PSD2: variants seen among roughly 807,000 people sequenced by gnomAD.
The protein encoded by PSD2 is pleckstrin and Sec7 domain containing 2, also known as PH and SEC7 domain-containing protein 2.
A neutral mutation model predicts 69.8 loss-of-function variants in PSD2; 38 were observed. The ratio of observed to expected loss-of-function variants is 0.54; its 90% CI spans 0.42 to 0.71. The LOEUF (loss-of-function observed/expected upper bound fraction) is 0.71, where lower values mean the gene tolerates loss of function less well. Among genes scored for constraint, PSD2 ranks in the 30% least tolerant of loss-of-function variants. The pLI, the probability that PSD2 is intolerant of heterozygous loss-of-function variation, is 0.00. For synonymous variants in PSD2, 412 were observed against 423.0 expected, an observed-to-expected ratio of 0.97 and a Z score of 0.32; for missense variants, 943 against 1,014.5, an observed-to-expected ratio of 0.93 and a Z score of 0.96.
the PSD2 span, among the ~76,000 whole-genome samples, chr5:139,789,582 A>G: frequency 6.6e-6 from 1 of 152,186 alleles, no homozygotes; most frequent in African/African-American, 2.4e-5. Flanking sequence ...AGAAAAACAA[A>G]AAACAAAACA....
chr5:139,772,711 G>A, the PSD2 span: 3 of 152,244 alleles, frequency 2.0e-5, no homozygotes, highest in Non-Finnish European at 4.4e-5. Flanking sequence ...CTCTGGGATG[G>A]TATGCCTGAC....
At chr5:139,788,441 G>A in the PSD2 span, among the ~76,000 whole-genome samples, 1 of 152,230 alleles carries the variant, frequency 6.6e-6, no homozygotes, top group African/African-American at 2.4e-5. Context: ...GCGGGTGATG[G>A]CACGGACTGG....
the PSD2 span, among the ~76,000 whole-genome samples, chr5:139,777,520 G>T: frequency 6.6e-6 from 1 of 152,312 alleles, no homozygotes; most frequent in African/African-American, 2.4e-5. Flanking sequence ...GAAGACTGAG[G>T]ATTGGGGCAA....
intron 7 of PSD2, among the ~76,000 whole-genome samples, chr5:139,831,255 T>C (rs950720008): frequency 6.6e-6 from 1 of 152,224 alleles, no homozygotes; most frequent in African/African-American, 2.4e-5. Context: ...TGGAGTTCTT[T>C]TGTTAGTGTT....
intron 1 of PSD2, among the ~76,000 whole-genome samples, chr5:139,806,253 C>A (rs1759803469): frequency 6.6e-6 from 1 of 152,232 alleles, no homozygotes; most frequent in Non-Finnish European, 1.5e-5. Context: ...CCAGCTGCAC[C>A]CGCTCCCCTG....
At chr5:139,811,484 A>T (rs1759959821) in intron 2 of PSD2, among the ~76,000 whole-genome samples, 1 of 152,158 alleles carries the variant, frequency 6.6e-6, no homozygotes, top group African/African-American at 2.4e-5. Context: ...GCTTCTTTGC[A>T]CATCATGGGC....
At chr5:139,805,205 G>T (rs879318187) in intron 1 of PSD2, among the ~76,000 whole-genome samples, 1 of 152,188 alleles carries the variant, frequency 6.6e-6, no homozygotes, top group African/African-American at 2.4e-5. Context: ...TCCCTGGTGG[G>T]CCCCACCTCC....
chr5:139,788,170 C>T, the PSD2 span, among the ~76,000 whole-genome samples: 101 of 47,944 alleles, frequency 2.1e-3, 3 homozygotes, highest in East Asian at 0.047. Flanking sequence ...GAGAGCCCGC[C>T]CCCCCCGCGC....
intron 1 of PSD2, among the ~76,000 whole-genome samples, chr5:139,804,723 G>A (rs1478542893): frequency 2.0e-5 from 3 of 152,188 alleles, no homozygotes; most frequent in Non-Finnish European, 4.4e-5. Context: ...TGCATACCCA[G>A]GATGGTTTTG....
chr5:139,834,200 G>T (rs1407820985), intron 8 of PSD2, among the ~76,000 whole-genome samples: 1 of 152,082 alleles, frequency 6.6e-6, no homozygotes, highest in Non-Finnish European at 1.5e-5. Flanking sequence ...TGAAGTGAAG[G>T]GTGGAACTCT....
At chr5:139,831,850 C>A (rs1760604982) in intron 7 of PSD2, among the ~76,000 whole-genome samples, 1 of 152,146 alleles carries the variant, frequency 6.6e-6, no homozygotes, top group African/African-American at 2.4e-5. Context: ...TATTTTCTTT[C>A]TTAATTTCAA....
intron 5 of PSD2, 71 bp downstream of exon 5, chr5:139,817,632 TA>T: frequency 7.8e-7 from 1 of 1,285,186 alleles, no homozygotes; most frequent in Admixed American, 1.7e-5. Flanking sequence ...ATGTCAACTC[TA>T]CCATAAACTT....
At chr5:139,769,703 C>A in the PSD2 span, among the ~76,000 whole-genome samples, 8 of 152,302 alleles carry the variant, frequency 5.3e-5, no homozygotes, top group South Asian at 1.7e-3. Flanking sequence ...TCCTACCTGG[C>A]CATGGGTGGC....
rs1760925724 is a variant in PSD2, at chr5:139,843,408, A to G, written c.*934A>G. On this transcript the variant is annotated 3_prime_UTR_variant, in exon 15 of 15. Transcript: ENST00000274710. The stretch of plus-strand genomic sequence containing the variant: ...GTGTATGCACCGCCCCGTTTGTCCC[A>G]TGGATATCCTGGGGTGTGAGTCGGA... The G allele has an allele frequency of 6.6e-6, 1 of 152,216 alleles. No homozygotes were observed. Among genetic ancestry groups the G allele is most frequent in the Non-Finnish European group, 1.5e-5 (1 of 68,040 alleles). 9.4% of individuals were successfully genotyped at this position (152,216 alleles called of 1,614,324 possible).
At chr5:139,812,624 C>T (rs1241295370) in intron 2 of PSD2, among the ~76,000 whole-genome samples, 1 of 152,156 alleles carries the variant, frequency 6.6e-6, no homozygotes, top group Non-Finnish European at 1.5e-5. Context: ...ATGAACAGAT[C>T]CCGGAGCAGG....
rs527415664 is a variant in PSD2 at position 139,805,070 on chromosome 5, G to A, written c.-50-4321G>A. ...TGCGCATGTGTGTGTGCACGTGCGC[G>A]TGTGTCTGGGCATGTGTACATGTGT... is the stretch of plus-strand genomic sequence containing the variant. On this transcript the variant is annotated intron_variant, in intron 1 of 14. Coordinates refer to ENST00000274710, the MANE Select transcript of PSD2 (RefSeq NM_032289.4). Among the ~76,000 whole-genome samples, 12 of 152,230 alleles carry A rather than the reference G, an allele frequency of 7.9e-5. No homozygotes were observed. In the East Asian group the frequency reaches 1.2e-3, roughly 15 times the overall value.
intron 2 of PSD2, among the ~76,000 whole-genome samples, chr5:139,811,219 C>G (rs1379908558): frequency 6.6e-6 from 1 of 152,188 alleles, no homozygotes; most frequent in African/African-American, 2.4e-5. Context: ...GTCCCCCTCC[C>G]CACTTTGTTC....
intron 1 of PSD2, among the ~76,000 whole-genome samples, chr5:139,801,097 C>A (rs888257815): frequency 6.6e-6 from 1 of 151,298 alleles, no homozygotes; most frequent in Non-Finnish European, 1.5e-5. Context: ...CCCAGGTACT[C>A]GGGAGGCTGA....
intron 2 of PSD2, among the ~76,000 whole-genome samples, chr5:139,811,671 T>C (rs1167877158): frequency 6.6e-6 from 1 of 152,086 alleles, no homozygotes; most frequent in African/African-American, 2.4e-5. Flanking sequence ...CTCAACTCAC[T>C]GCAAGCTCCA....
Sources: gnomAD v4.1 joint callset for allele counts (sites outside exome capture counted in the v4.1 genomes callset) on GRCh38, gnomAD v4.1.1 for gene constraint, MANE v1.5 for transcripts, NCBI Gene and HGNC (gene_info 2026-07-23, HGNC 2026-07-21) for gene names.